Variants in CPEB3 observed in about 807,000 individuals in gnomAD.
CPEB3 encodes the protein cytoplasmic polyadenylation element binding protein 3.
A neutral mutation model predicts 67.2 loss-of-function variants in CPEB3; 20 were observed. The ratio of observed to expected loss-of-function variants is 0.30; its 90% confidence interval spans 0.21 to 0.43. The LOEUF (loss-of-function observed/expected upper bound fraction) is 0.43, where lower values mean the gene tolerates loss of function less well. Ranked by LOEUF, CPEB3 falls within the 20% of genes least tolerant of loss-of-function variation. CPEB3 has a pLI of 1.00. For missense variants in CPEB3, 746 were observed against 968.6 expected, an observed-to-expected ratio of 0.77 and a Z score of 3.05; for synonymous variants, 376 against 393.1, an observed-to-expected ratio of 0.96 and a Z score of 0.51.
At chr10:92,226,889 G>A (rs945737501) in intron 2 of CPEB3, among the ~76,000 whole-genome samples, 3 of 151,938 alleles carry the variant, frequency 2.0e-5, no homozygotes, top group African/African-American at 7.3e-5. Flanking sequence ...GGAGGGAACA[G>A]GGAGGGGGGA....
chr10:92,105,668 T>A (rs894936049), intron 7 of CPEB3, among the ~76,000 whole-genome samples: 2 of 152,028 alleles, frequency 1.3e-5, no homozygotes, highest in African/African-American at 2.4e-5. Context: ...GAACCTTTTA[T>A]GTGCTAGGTT....
chr10:92,243,016 G>GT (rs1429020629), intron 1 of CPEB3, among the ~76,000 whole-genome samples: 3 of 151,746 alleles, frequency 2.0e-5, no homozygotes, highest in African/African-American at 4.8e-5. Context: ...GTTGTTTTTT[G>GT]TTTTTTTGGG....
chr10:92,089,252 A>G (rs1843509757), intron 8 of CPEB3, among the ~76,000 whole-genome samples: 2 of 152,176 alleles, frequency 1.3e-5, no homozygotes, highest in African/African-American at 4.8e-5. Flanking sequence ...TATACATAAA[A>G]GTTGCAGATG....
intron 6 of CPEB3, among the ~76,000 whole-genome samples, chr10:92,120,195 AG>A (rs1845288452): frequency 6.6e-6 from 1 of 150,550 alleles, no homozygotes; most frequent in African/African-American, 2.5e-5. Flanking sequence ...GCAGATCACG[AG>A]GTCAGGAGAT....
chr10:92,274,273 G>A (rs947119215), intron 1 of CPEB3, among the ~76,000 whole-genome samples: 1 of 152,146 alleles, frequency 6.6e-6, no homozygotes, highest in Non-Finnish European at 1.5e-5. Context: ...CTCCCTGAGT[G>A]CAGCTGTCAT....
intron 3 of CPEB3, among the ~76,000 whole-genome samples, chr10:92,191,066 T>C (rs1590345751): frequency 6.6e-6 from 1 of 152,232 alleles, no homozygotes; most frequent in South Asian, 2.1e-4. Flanking sequence ...TTTGTTCTTC[T>C]AATTTTCTCC....
chr10:92,210,063 T>C (rs1850003446), intron 2 of CPEB3, among the ~76,000 whole-genome samples: 1 of 151,942 alleles, frequency 6.6e-6, no homozygotes. Context: ...TATATAATTA[T>C]ATACCCAAAA....
intron 3 of CPEB3, among the ~76,000 whole-genome samples, chr10:92,190,732 A>G (rs1403359508): frequency 6.6e-6 from 1 of 150,538 alleles, no homozygotes; most frequent in Non-Finnish European, 1.5e-5. Context: ...AGTAGAGGGA[A>G]GTGCTTCCGA....
At chr10:92,289,798 T>C (rs867944529) in intron 1 of CPEB3, among the ~76,000 whole-genome samples, 40 of 138,798 alleles carry the variant, frequency 2.9e-4, no homozygotes, top group African/African-American at 1.0e-3. Flanking sequence ...TTATATATTA[T>C]AAATGTATTA....
At chr10:92,258,627 TATATATATATATATATATATA>T (rs1206510239) in intron 1 of CPEB3, among the ~76,000 whole-genome samples, 3 of 5,070 alleles carry the variant, frequency 5.9e-4, no homozygotes, top group Non-Finnish European at 1.1e-3. Context: ...ATTTTTTGAA[TATATATATATATATATATATA>T]TATATATATA....
intron 2 of CPEB3, among the ~76,000 whole-genome samples, chr10:92,207,641 G>T (rs1849856556): frequency 6.6e-6 from 1 of 152,336 alleles, no homozygotes; most frequent in East Asian, 1.9e-4. Context: ...GGAGGCCGAG[G>T]CTGGCAGGTC....
At position 92,119,079 on chromosome 10, in the gene CPEB3, G is replaced by C. The variant is rs1845194090; in HGVS notation, c.1454-7885C>G. The C allele has an allele frequency of 7.0e-6, 11 of 1,581,950 alleles. No homozygotes were observed. The South Asian group carries it at 1.2e-4, about 17-fold the overall frequency. On this transcript the variant is annotated intron_variant, in intron 6 of 9. Coordinates refer to ENST00000265997, the MANE Select transcript of CPEB3 (RefSeq NM_014912.5). Reference sequence around the variant, plus strand: ...CACTTGATGTGAGACCTAGGAAAAGGCCTGAAGATTCCCCAGCTATACCAG... The same window carrying C: ...CACTTGATGTGAGACCTAGGAAAAGCCCTGAAGATTCCCCAGCTATACCAG...
At chr10:92,168,840 G>A (rs1389589417) in intron 4 of CPEB3, among the ~76,000 whole-genome samples, 4 of 138,798 alleles carry the variant, frequency 2.9e-5, no homozygotes, top group Admixed American at 2.4e-4. Context: ...TTGTTGCCCA[G>A]GCTGGAGTGC....
Position 92,277,457 on chromosome 10 carries a change from G to C in CPEB3, c.-12+13469C>G, listed in dbSNP as rs55735858. On this transcript the variant is annotated intron_variant, in intron 1 of 9. Transcript: ENST00000265997. ...CAAAATCTATTGACTATAAAAGTAA[G>C]GGCTTATTTCTGGACTCCTCATCCT... 7.4e-3 allele frequency among the ~76,000 whole-genome samples: 1,133 copies of C among 152,258 alleles called. 13 individuals are homozygous for C. The highest frequency in any genetic ancestry group is 0.026 in the African/African-American group (1,085 of 41,548).
At chr10:92,185,226 T>C (rs951921764) in intron 3 of CPEB3, among the ~76,000 whole-genome samples, 11 of 152,238 alleles carry the variant, frequency 7.2e-5, no homozygotes, top group Admixed American at 2.0e-4. Flanking sequence ...TCTTGTCAGC[T>C]AGCTATCTTT....
chr10:92,158,058 G>A (rs1180135523), intron 4 of CPEB3, among the ~76,000 whole-genome samples: 2 of 151,414 alleles, frequency 1.3e-5, no homozygotes, highest in Non-Finnish European at 2.9e-5. Context: ...CCTCGTCTCC[G>A]CCCATAGCTC....
intron 1 of CPEB3, among the ~76,000 whole-genome samples, chr10:92,269,112 C>A (rs1436852157): frequency 6.6e-6 from 1 of 151,968 alleles, no homozygotes; most frequent in African/African-American, 2.4e-5. Context: ...TGGCTGTGGG[C>A]TCCTTGGGAG....
chr10:92,249,980 C>A (rs868252494), intron 1 of CPEB3, among the ~76,000 whole-genome samples: 19 of 150,830 alleles, frequency 1.3e-4, no homozygotes, highest in African/African-American at 4.4e-4. Flanking sequence ...CCAGATCACA[C>A]CACTGCACTC....
chr10:92,080,164 G>A (rs1017954100), intron 9 of CPEB3, among the ~76,000 whole-genome samples: 21 of 148,736 alleles, frequency 1.4e-4, no homozygotes, highest in Admixed American at 9.4e-4. Flanking sequence ...CCAAGATTGC[G>A]CCACTGCACT....
Sources: gnomAD v4.1 joint callset for allele counts (sites outside exome capture counted in the v4.1 genomes callset) on GRCh38, gnomAD v4.1.1 for gene constraint, MANE v1.5 for transcripts, NCBI Gene and HGNC (gene_info 2026-07-23, HGNC 2026-07-21) for gene names.